Variants in CCDC171 observed in about 807,000 individuals in gnomAD.
The protein encoded by CCDC171 is coiled-coil domain-containing protein 171.
CCDC171 carries 177 observed loss-of-function variants against 168.2 expected under a neutral mutation model. That is an observed-to-expected ratio of 1.05 (90% CI 0.93 to 1.19). CCDC171 has a LOEUF of 1.19. Ranked by LOEUF, CCDC171 falls within the 50% of genes most tolerant of loss-of-function variation. CCDC171 has a pLI of 0.00. For synonymous variants in CCDC171, 687 were observed against 540.8 expected (o/e 1.27, Z -3.75); for missense variants, 1,991 against 1,539.0 (o/e 1.29, Z -4.91).
the CCDC171 span, among the ~76,000 whole-genome samples, chr9:16,077,123 C>T: frequency 6.6e-6 from 1 of 152,072 alleles, no homozygotes; most frequent in Non-Finnish European, 1.5e-5. Context: ...AGGTGGGATT[C>T]CTTGACTTCC....
intron 24 of CCDC171, among the ~76,000 whole-genome samples, chr9:15,907,269 TA>T (rs1822816580): frequency 6.6e-6 from 1 of 152,210 alleles, no homozygotes; most frequent in Admixed American, 6.5e-5. Context: ...ACTACAAGGC[TA>T]CAGTAACCAA....
chr9:15,909,952 C>T (rs1823365121), intron 24 of CCDC171, among the ~76,000 whole-genome samples: 1 of 152,070 alleles, frequency 6.6e-6, no homozygotes, highest in Non-Finnish European at 1.5e-5. Context: ...CATATCCTGA[C>T]CACCCTCTCA....
intron 7 of CCDC171, among the ~76,000 whole-genome samples, chr9:15,645,629 G>A (rs993756130): frequency 2.0e-5 from 3 of 152,204 alleles, no homozygotes; most frequent in Non-Finnish European, 4.4e-5. Flanking sequence ...ATTTGAACAA[G>A]TGAAAGAAAG....
At chr9:16,044,895 C>A (rs1232718841) in intron 1 of CCDC171, among the ~76,000 whole-genome samples, 1 of 152,194 alleles carries the variant, frequency 6.6e-6, no homozygotes, top group Non-Finnish European at 1.5e-5. Flanking sequence ...TTGCCCCACT[C>A]CTTGCTTTGA....
chr9:15,937,373 G>A (rs1356915938), intron 25 of CCDC171, among the ~76,000 whole-genome samples: 1 of 151,872 alleles, frequency 6.6e-6, no homozygotes, highest in South Asian at 2.1e-4. Context: ...TTTTTTCATA[G>A]TGAGAAAAAA....
At chr9:15,628,232 T>G (rs540370232) in intron 7 of CCDC171, among the ~76,000 whole-genome samples, 88 of 151,886 alleles carry the variant, frequency 5.8e-4, no homozygotes, top group African/African-American at 2.0e-3. Flanking sequence ...AGGCATTGCC[T>G]TACTCGGGAA....
chr9:15,856,000 C>G (rs905077989), intron 23 of CCDC171, among the ~76,000 whole-genome samples: 1 of 151,812 alleles, frequency 6.6e-6, no homozygotes, highest in Non-Finnish European at 1.5e-5. Flanking sequence ...ACGTAGTTAC[C>G]TTTGCTGGTG....
chr9:16,103,211 A>C, the CCDC171 span, among the ~76,000 whole-genome samples: 5 of 152,296 alleles, frequency 3.3e-5, no homozygotes, highest in East Asian at 9.7e-4. Flanking sequence ...TTTAAGTAAC[A>C]AAGATAAGGG....
chr9:15,760,066 G>A (rs978475528), intron 18 of CCDC171, among the ~76,000 whole-genome samples: 1 of 152,154 alleles, frequency 6.6e-6, no homozygotes, highest in African/African-American at 2.4e-5. Flanking sequence ...AAATTCTGAA[G>A]TGAAAGAAGA....
intron 23 of CCDC171, among the ~76,000 whole-genome samples, chr9:15,853,870 C>T (rs937649562): frequency 5.3e-5 from 8 of 151,520 alleles, no homozygotes; most frequent in African/African-American, 1.7e-4. Context: ...TGTGCCTCGC[C>T]TCCTTCATCC....
intron 21 of CCDC171, among the ~76,000 whole-genome samples, chr9:15,788,405 T>G (rs904392639): frequency 6.6e-6 from 1 of 152,192 alleles, no homozygotes; most frequent in East Asian, 1.9e-4. Context: ...AGTTCTTTTT[T>G]AAATATGTCC....
At chr9:15,944,660 A>T (rs981976138) in intron 25 of CCDC171, among the ~76,000 whole-genome samples, 10 of 152,032 alleles carry the variant, frequency 6.6e-5, no homozygotes, top group Non-Finnish European at 1.5e-4. Context: ...AAATGAAAGG[A>T]TGCCTGTAAG....
chr9:15,562,076 T>G (rs1161309794), intron 1 of CCDC171, among the ~76,000 whole-genome samples: 1 of 151,918 alleles, frequency 6.6e-6, no homozygotes, highest in Non-Finnish European at 1.5e-5. Context: ...CTCACTGCAG[T>G]CTCCACCTCC....
chr9:15,911,331 A>G (rs888270636), intron 24 of CCDC171, among the ~76,000 whole-genome samples: 1 of 152,118 alleles, frequency 6.6e-6, no homozygotes. Context: ...TTTGTTGGCC[A>G]TATAAATGTC....
At chr9:15,761,425 T>TA (rs1225408038) in intron 18 of CCDC171, among the ~76,000 whole-genome samples, 2 of 152,108 alleles carry the variant, frequency 1.3e-5, no homozygotes, top group Non-Finnish European at 2.9e-5. Context: ...TATTGAATCT[T>TA]AAAAAAATTA....
intron 18 of CCDC171, among the ~76,000 whole-genome samples, chr9:15,761,743 A>G (rs2056455652): frequency 6.6e-6 from 1 of 152,208 alleles, no homozygotes; most frequent in East Asian, 1.9e-4. Flanking sequence ...CTGGTGCTTC[A>G]GCTGCTAGTC....
chr9:15,679,749 A>G (rs1032001451), intron 10 of CCDC171, among the ~76,000 whole-genome samples: 4 of 152,096 alleles, frequency 2.6e-5, no homozygotes, highest in Admixed American at 6.6e-5. Context: ...AGGTCTCGCT[A>G]TGTTGGCCAG....
intron 7 of CCDC171, among the ~76,000 whole-genome samples, chr9:15,646,132 T>G (rs200234019): frequency 6.6e-6 from 1 of 152,156 alleles, no homozygotes; most frequent in African/African-American, 2.4e-5. Flanking sequence ...CCAGAATTTC[T>G]TATCCAGCCA....
the CCDC171 span, among the ~76,000 whole-genome samples, chr9:16,096,355 CA>C: frequency 6.6e-6 from 1 of 152,170 alleles, no homozygotes; most frequent in African/African-American, 2.4e-5. Flanking sequence ...CCAATTACCC[CA>C]CACCTCTGCA....
Sources: gnomAD v4.1 joint callset for allele counts (sites outside exome capture counted in the v4.1 genomes callset) on GRCh38, gnomAD v4.1.1 for gene constraint, MANE v1.5 for transcripts, NCBI Gene and HGNC (gene_info 2026-07-23, HGNC 2026-07-21) for gene names.